The following CR1L variants were observed in gnomAD, a reference collection of about 807,000 sequenced individuals.
CR1L encodes the protein complement C3b/C4b receptor 1 like, also known as complement component receptor 1-like protein.
In CR1L, 59 loss-of-function variants were observed where a neutral mutation model predicts 62.3. The ratio of observed to expected loss-of-function variants is 0.95; its 90% CI spans 0.77 to 1.18. CR1L has a LOEUF of 1.18. Ranked by LOEUF, CR1L falls within the 50% of genes most tolerant of loss-of-function variation. The pLI is 0.00. For synonymous variants in CR1L, 279 were observed against 248.7 expected (o/e 1.12, Z -1.15); for missense variants, 700 against 702.8 (o/e 1.00, Z 0.04).
rs367591681 is a variant in CR1L at position 207,710,060 on chromosome 1, C to A, written c.1414+1797C>A. Reference sequence around the variant, plus strand: ...TACAATAAAGTATAATTTTAAGAAACCATGCCGGGCACGATGGCTCACGCC... The same window carrying A: ...TACAATAAAGTATAATTTTAAGAAAACATGCCGGGCACGATGGCTCACGCC... On this transcript the variant is annotated intron_variant, in intron 10 of 11. Coordinates refer to ENST00000508064, the MANE Select transcript of CR1L (RefSeq NM_175710.2). 1.7e-4 allele frequency among the ~76,000 whole-genome samples: 26 copies of A among 152,106 alleles called. 1 individual carries two copies. The highest frequency in any genetic ancestry group is 6.0e-4 in the African/African-American group (25 of 41,476).
chr1:207,706,009 G>GTGTGTA (rs1553245248), intron 9 of CR1L, among the ~76,000 whole-genome samples: 2 of 58,954 alleles, frequency 3.4e-5, no homozygotes, highest in Non-Finnish European at 6.5e-5. Context: ...ATGTGTGTGT[G>GTGTGTA]TATGTATATA....
intron 1 of CR1L, chr1:207,657,293 TG>T: frequency 1.4e-6 from 2 of 1,403,820 alleles, no homozygotes; most frequent in Non-Finnish European, 2.0e-6. Context: ...CAATTCAGTA[TG>T]GAATCATGCT....
In CR1L at chr1:207,694,689, C is replaced by G; in HGVS notation, c.800C>G (p.Pro267Arg). The G allele has an allele frequency of 2.5e-6, 4 of 1,611,834 alleles. No individual in the cohort carries two copies. The highest frequency in any genetic ancestry group is 3.4e-6 in the Non-Finnish European group (4 of 1,179,720). Residue 267 changes from proline to arginine, a missense_variant, in exon 5 of 12, where the codon CCC becomes CGC. Coordinates refer to ENST00000508064, the MANE Select transcript of CR1L (RefSeq NM_175710.2). ...CAGCCTGGCTTTGGCATGAAAGGGC[C>G]CTCCCATGTGAAGTGCCAGGCCCTG... is the stretch of plus-strand genomic sequence containing the variant. ...RCQPGFGMKG[P>R]SHVKCQALNK... is the part of the protein sequence containing the mutation.
At chr1:207,710,564 G>T in intron 10 of CR1L, 5 of 1,609,784 alleles carry the variant, frequency 3.1e-6, no homozygotes, top group South Asian at 2.2e-5. Context: ...TCAAGTGGTC[G>T]TCTGGAGCGG....
chr1:207,717,920 A>G (rs1315148437), intron 11 of CR1L, among the ~76,000 whole-genome samples: 2 of 152,066 alleles, frequency 1.3e-5, no homozygotes, highest in Admixed American at 1.3e-4. Context: ...GTAAGGAGAG[A>G]AGAGGGTGGA....
chr1:207,668,251 A>C (rs1038275189), intron 1 of CR1L, among the ~76,000 whole-genome samples: 4 of 151,194 alleles, frequency 2.6e-5, no homozygotes, highest in African/African-American at 9.9e-5. Context: ...ACAATAGCCA[A>C]GGTATGGAAT....
At chr1:207,710,870 G>A in intron 10 of CR1L, 1 of 1,300,136 alleles carries the variant, frequency 7.7e-7, no homozygotes, top group Admixed American at 1.8e-5. Context: ...TAGGGGGAGG[G>A]ATGTATGTTG....
At chr1:207,656,919 G>T (rs1472732785) in intron 1 of CR1L, among the ~76,000 whole-genome samples, 4 of 152,178 alleles carry the variant, frequency 2.6e-5, no homozygotes, top group Admixed American at 6.5e-5. Context: ...AAGAAAATGA[G>T]ATTTGTTCTG....
intron 11 of CR1L, among the ~76,000 whole-genome samples, chr1:207,723,257 C>T (rs917858823): frequency 1.3e-5 from 2 of 151,982 alleles, no homozygotes; most frequent in Admixed American, 6.6e-5. Flanking sequence ...TGGTGAAACC[C>T]CGTCTCTACT....
chr1:207,662,292 C>G (rs575645556), intron 1 of CR1L, among the ~76,000 whole-genome samples: 1 of 152,326 alleles, frequency 6.6e-6, no homozygotes, highest in African/African-American at 2.4e-5. Flanking sequence ...ACCAATCAGA[C>G]GTAGATTTGG....
chr1:207,712,253 C>A (rs1183523554), intron 10 of CR1L, among the ~76,000 whole-genome samples: 2 of 152,214 alleles, frequency 1.3e-5, no homozygotes, highest in Admixed American at 1.3e-4. Flanking sequence ...AGGTGACAGT[C>A]TCATTACCTG....
intron 1 of CR1L, among the ~76,000 whole-genome samples, chr1:207,648,839 A>C (rs1663178438): frequency 6.6e-6 from 1 of 152,278 alleles, no homozygotes; most frequent in African/African-American, 2.4e-5. Context: ...GGAGATAGGC[A>C]GCACAAGAAA....
intron 9 of CR1L, among the ~76,000 whole-genome samples, chr1:207,706,989 A>C (rs1272495270): frequency 6.6e-6 from 1 of 152,254 alleles, no homozygotes; most frequent in Non-Finnish European, 1.5e-5. Context: ...ACTTACAGAA[A>C]AGATGAGTAG....
At chr1:207,710,388 C>G in intron 10 of CR1L, 1 of 1,491,570 alleles carries the variant, frequency 6.7e-7, no homozygotes. Context: ...CCAGGAATTC[C>G]TTGTGGGCTA....
At chr1:207,713,079 A>C (rs144864106) in intron 10 of CR1L, among the ~76,000 whole-genome samples, 1 of 152,206 alleles carries the variant, frequency 6.6e-6, no homozygotes, top group Non-Finnish European at 1.5e-5. Context: ...TTTTGAAATA[A>C]GGGTAGGGAC....
At chr1:207,685,271 G>A (rs1558018499) in intron 4 of CR1L, among the ~76,000 whole-genome samples, 1 of 152,186 alleles carries the variant, frequency 6.6e-6, no homozygotes. Flanking sequence ...ACATGCTTTT[G>A]ACTGCGTAGC....
rs770598006 is a variant in CR1L at position 207,645,324 on chromosome 1, T to G, written c.91T>G (p.Phe31Val). The G allele has an allele frequency of 6.2e-7, 1 of 1,614,016 alleles. No homozygotes were observed. The highest frequency in any genetic ancestry group is 2.2e-5 in the East Asian group (1 of 44,866). ...LAALVLLLSS[F>V]SDQCNVPEWL... ...GGCCCTGGTGTTGCTGCTGTCCTCC[T>G]TCTCCGGTAGGACCCCGGGGTGGAT... is the stretch of plus-strand genomic sequence containing the variant. The change falls in exon 1 of 12, where the codon TTC becomes GTC. Residue 31 changes from phenylalanine to valine, a missense_variant. Phe to Val is a conservative substitution (Grantham distance 50). Transcript: ENST00000508064.
intron 3 of CR1L, among the ~76,000 whole-genome samples, chr1:207,682,651 A>G (rs896603674): frequency 1.3e-5 from 2 of 152,170 alleles, no homozygotes; most frequent in South Asian, 2.1e-4. Flanking sequence ...GTTTTCCTAC[A>G]TATTTGTAAA....
intron 1 of CR1L, among the ~76,000 whole-genome samples, chr1:207,649,788 G>GT (rs1434180116): frequency 2.6e-5 from 4 of 152,166 alleles, no homozygotes; most frequent in African/African-American, 4.8e-5. Flanking sequence ...CCATCGAAAG[G>GT]TATCTGTCTT....
Sources: gnomAD v4.1 joint callset for allele counts (sites outside exome capture counted in the v4.1 genomes callset) on GRCh38, gnomAD v4.1.1 for gene constraint, MANE v1.5 for transcripts, NCBI Gene and HGNC (gene_info 2026-07-23, HGNC 2026-07-21) for gene names.